GNG4: variants seen among roughly 807,000 people sequenced by gnomAD.
The protein encoded by GNG4 is guanine nucleotide-binding protein G(I)/G(S)/G(O) subunit gamma-4.
In GNG4, 4 loss-of-function variants were observed where a neutral mutation model predicts 5.8. That is an observed-to-expected ratio of 0.69 (90% CI 0.34 to 1.57). The LOEUF is 1.57. Among genes scored for constraint, GNG4 ranks in the 40% most tolerant of loss-of-function variants. The pLI is 0.06. For missense variants in GNG4, 96 were observed against 95.1 expected, an observed-to-expected ratio of 1.01 and a Z score of -0.04; for synonymous variants, 29 against 32.9, an observed-to-expected ratio of 0.88 and a Z score of 0.41.
chr1:235,586,313 GTGTC>G (rs201293529), intron 2 of GNG4, among the ~76,000 whole-genome samples: 6,048 of 152,254 alleles, frequency 0.04, 347 homozygotes, highest in African/African-American at 0.13. Context: ...GTCCTTGGGT[GTGTC>G]TGTATGTGCC....
At chr1:235,588,050 C>G (rs1310753517) in intron 2 of GNG4, among the ~76,000 whole-genome samples, 2 of 151,868 alleles carry the variant, frequency 1.3e-5, no homozygotes, top group Non-Finnish European at 2.9e-5. Flanking sequence ...CTGCGCCCAC[C>G]TCTCTCCCTC....
intron 1 of GNG4, among the ~76,000 whole-genome samples, chr1:235,602,368 C>G (rs1043411273): frequency 1.3e-5 from 2 of 152,188 alleles, no homozygotes; most frequent in South Asian, 4.1e-4. Context: ...AAGCACAGTC[C>G]TGGGGGACGA....
intron 1 of GNG4, among the ~76,000 whole-genome samples, chr1:235,599,468 C>A (rs1688204494): frequency 6.6e-6 from 1 of 151,990 alleles, no homozygotes; most frequent in African/African-American, 2.4e-5. Context: ...AGGCGCGAGC[C>A]AACACGCCTG....
At position 235,587,324 on chromosome 1, in the gene GNG4, TGAGA is replaced by T. The variant is rs1438914059; in HGVS notation, c.-10-3480_-10-3477del. Reference sequence around the variant, plus strand: ...TGTGAGGGTGAGGGGTGTGTGTGTGTGAGAGTGTGAGAGCATGTATGAGGGTCAG... The same window carrying T: ...TGTGAGGGTGAGGGGTGTGTGTGTGTGTGTGAGAGCATGTATGAGGGTCAG... On this transcript the variant is annotated intron_variant, in intron 2 of 3. Transcript: ENST00000391854. Among the ~76,000 whole-genome samples the T allele has an allele frequency of 1.7e-3, 56 of 33,450 alleles. 1 individual carries two copies. The African/African-American group carries it at 0.019, about 11-fold the overall frequency. 21.9% of individuals were successfully genotyped at this position (33,450 alleles called of 152,430 possible).
chr1:235,606,494 T>A (rs1257071996), intron 1 of GNG4, among the ~76,000 whole-genome samples: 2 of 151,702 alleles, frequency 1.3e-5, no homozygotes, highest in Non-Finnish European at 2.9e-5. Context: ...AGCCAGGGGA[T>A]GTGGTTAGGA....
intron 2 of GNG4, among the ~76,000 whole-genome samples, chr1:235,586,079 T>C (rs963500431): frequency 7.9e-5 from 12 of 152,242 alleles, no homozygotes; most frequent in African/African-American, 2.4e-4. Context: ...CAACTACATT[T>C]GTCCAAAGGC....
intron 1 of GNG4, among the ~76,000 whole-genome samples, chr1:235,640,275 A>G (rs999556406): frequency 6.6e-6 from 1 of 152,126 alleles, no homozygotes; most frequent in Non-Finnish European, 1.5e-5. Context: ...GTTGGGGGGA[A>G]TCAGATATCA....
In GNG4 at chr1:235,551,394, T is replaced by G. The variant is rs147039227; in HGVS notation, c.*715A>C. ...CCGTCTTTACTAAAAATACAAAAAA[T>G]TAGCTGGGTGTGGTGGCGCGTGCCT... On this transcript the variant is annotated 3_prime_UTR_variant, in exon 4 of 4. Coordinates refer to ENST00000391854, the MANE Select transcript of GNG4 (RefSeq NM_001098722.2). The G allele has an allele frequency of 1.3e-5, 2 of 152,046 alleles. No homozygotes were observed. The highest frequency in any genetic ancestry group is 4.8e-5 in the African/African-American group (2 of 41,366). 9.4% of individuals were successfully genotyped at this position (152,046 alleles called of 1,614,324 possible).
In GNG4 at chr1:235,590,418, G is replaced by A. The variant is rs984701731; in HGVS notation, c.-11+4982C>T. Among the ~76,000 whole-genome samples the A allele has an allele frequency of 3.9e-5, 6 of 151,980 alleles. No individual in the cohort carries two copies. In the East Asian group the frequency reaches 1.2e-3, roughly 29 times the overall value. The stretch of plus-strand genomic sequence containing the variant: ...TGCAGTGAGCCGAGATTGCGCCACT[G>A]CACTCCAGCCTGGGTGACAGAGTGA... On this transcript the variant is annotated intron_variant, in intron 2 of 3. Transcript: ENST00000391854.
intron 1 of GNG4, among the ~76,000 whole-genome samples, chr1:235,605,375 G>A (rs572204706): frequency 6.6e-6 from 1 of 151,928 alleles, no homozygotes. Flanking sequence ...ATTTTTAGTC[G>A]AGATGGCTAG....
chr1:235,557,048 T>G (rs1686930387), intron 3 of GNG4, among the ~76,000 whole-genome samples: 1 of 152,148 alleles, frequency 6.6e-6, no homozygotes, highest in South Asian at 2.1e-4. Context: ...CAGATGAAGC[T>G]TTGCTTGCTC....
At chr1:235,625,397 C>T (rs758361741) in intron 1 of GNG4, among the ~76,000 whole-genome samples, 37 of 152,182 alleles carry the variant, frequency 2.4e-4, no homozygotes, top group Admixed American at 1.3e-4. Context: ...CCAGAGTGGT[C>T]CATTTGTGAC....
At chr1:235,622,013 T>C (rs1688722902) in intron 1 of GNG4, among the ~76,000 whole-genome samples, 1 of 151,964 alleles carries the variant, frequency 6.6e-6, no homozygotes, top group South Asian at 2.1e-4. Context: ...TCAGCTCTTA[T>C]GAAAAGAAAT....
chr1:235,604,628 A>G (rs189712232), intron 1 of GNG4, among the ~76,000 whole-genome samples: 245 of 152,272 alleles, frequency 1.6e-3, no homozygotes, highest in Non-Finnish European at 1.8e-3. Flanking sequence ...TCTGTGTCTC[A>G]CCGTGTCATC....
chr1:235,565,228 C>T (rs113565363), intron 3 of GNG4, among the ~76,000 whole-genome samples: 27 of 152,114 alleles, frequency 1.8e-4, no homozygotes, highest in African/African-American at 6.0e-4. Flanking sequence ...GTTGGCCCAG[C>T]GCAGTGGCAT....
At chr1:235,627,313 T>C (rs6696721) in intron 1 of GNG4, among the ~76,000 whole-genome samples, 67,394 of 151,242 alleles carry the variant, frequency 0.45, 16,183 homozygotes, top group African/African-American at 0.63. Flanking sequence ...ACCTCCGCCT[T>C]CTGGGTTCAA....
intron 1 of GNG4, among the ~76,000 whole-genome samples, chr1:235,622,262 T>C (rs1688726476): frequency 6.6e-6 from 1 of 152,200 alleles, no homozygotes; most frequent in Non-Finnish European, 1.5e-5. Flanking sequence ...GAGGTTAGAT[T>C]CTGATCTCAG....
intron 1 of GNG4, among the ~76,000 whole-genome samples, chr1:235,628,050 C>T (rs1193715960): frequency 2.1e-4 from 32 of 152,078 alleles, no homozygotes; most frequent in Admixed American, 2.0e-3. Flanking sequence ...CGTGGTGGCA[C>T]ACACCTGTAA....
chr1:235,649,175 T>G lies in GNG4; in HGVS notation c.-123+487A>C, dbSNP rs1178601530. 6.6e-6 allele frequency among the ~76,000 whole-genome samples: 1 copy of G among 152,156 alleles called. No individual in the cohort carries two copies. Among genetic ancestry groups the G allele is most frequent in the African/African-American group, 2.4e-5 (1 of 41,438 alleles). ...AGTGCTCCCGAGGCGGCGTCTGGGCTGCTGGGGAGCCAGGAGGGCTTCCTC... is the reference window on the plus strand; with the variant it reads ...AGTGCTCCCGAGGCGGCGTCTGGGCGGCTGGGGAGCCAGGAGGGCTTCCTC... On this transcript the variant is annotated intron_variant, in intron 1 of 3. Transcript: ENST00000391854. This position sits in a 1 kb window ranked among gnomAD's most constrained non-coding sequence, Gnocchi z 5.7.
Sources: allele counts gnomAD v4.1 joint callset (sites outside exome capture counted in the v4.1 genomes callset), GRCh38; gene constraint gnomAD v4.1.1; non-coding constraint Gnocchi (gnomAD v3.1); transcripts MANE v1.5; gene names NCBI Gene and HGNC (gene_info 2026-07-23, HGNC 2026-07-21).